Variants in CIMAP1D observed in about 807,000 individuals in gnomAD.
The protein encoded by CIMAP1D is CIMAP1 family member D, also known as protein CIMAP1D.
the CIMAP1D span, chr19:463,528 G>A: frequency 0.67 from 286,372 of 427,338 alleles, 100,619 homozygotes; most frequent in Admixed American, 0.74. Flanking sequence ...CTGGGACACA[G>A]GAAGCTCCAT....
chr19:469,067 G>A, the CIMAP1D span, among the ~76,000 whole-genome samples: 1 of 152,160 alleles, frequency 6.6e-6, no homozygotes, highest in Non-Finnish European at 1.5e-5. Flanking sequence ...GGTCCCCAAC[G>A]CAGGCTCACT....
the CIMAP1D span, chr19:464,352 G>A: frequency 1.6e-5 from 24 of 1,539,132 alleles, no homozygotes; most frequent in Middle Eastern, 1.7e-4. Flanking sequence ...AGGGCCTGGC[G>A]TCACCTCCGG....
the CIMAP1D span, chr19:464,015 G>T: frequency 6.2e-7 from 1 of 1,607,648 alleles, no homozygotes; most frequent in Non-Finnish European, 8.5e-7. Flanking sequence ...TCTCCTCCAG[G>T]GGTCGCGGGG....
chr19:470,476 G>C, the CIMAP1D span, among the ~76,000 whole-genome samples: 42 of 152,268 alleles, frequency 2.8e-4, no homozygotes, highest in African/African-American at 7.7e-4. Context: ...CTCCCGAAGT[G>C]CTGGGATTAC....
the CIMAP1D span, among the ~76,000 whole-genome samples, chr19:480,736 G>A: frequency 2.0e-5 from 2 of 98,548 alleles, no homozygotes; most frequent in African/African-American, 8.4e-5. Flanking sequence ...TGATGGGAAG[G>A]ATGATGGAGA....
the CIMAP1D span, among the ~76,000 whole-genome samples, chr19:484,148 T>C: frequency 6.7e-6 from 1 of 148,842 alleles, no homozygotes; most frequent in African/African-American, 2.5e-5. Flanking sequence ...TCTTTTTTTT[T>C]TTTTTTTTTT....
At chr19:472,367 C>G in the CIMAP1D span, 3 of 1,354,902 alleles carry the variant, frequency 2.2e-6, no homozygotes, top group Non-Finnish European at 3.0e-6. Flanking sequence ...TCAGGGAAGC[C>G]TCCAGCCGCC....
At chr19:477,489 G>A in the CIMAP1D span, among the ~76,000 whole-genome samples, 5 of 150,556 alleles carry the variant, frequency 3.3e-5, no homozygotes, top group Non-Finnish European at 7.4e-5. Flanking sequence ...CAGGAGACTC[G>A]CTTGAACCCG....
At chr19:484,104 T>C in the CIMAP1D span, among the ~76,000 whole-genome samples, 2 of 152,016 alleles carry the variant, frequency 1.3e-5, no homozygotes, top group African/African-American at 2.4e-5. Context: ...CATGTCTCTC[T>C]TGTTTTATTT....
the CIMAP1D span, among the ~76,000 whole-genome samples, chr19:475,446 G>A: frequency 6.6e-6 from 1 of 152,172 alleles, no homozygotes; most frequent in African/African-American, 2.4e-5. Flanking sequence ...GGCACTGAAC[G>A]TGAGGGAAAA....
At chr19:472,397 C>T in the CIMAP1D span, 1 of 1,534,788 alleles carries the variant, frequency 6.5e-7, no homozygotes, top group African/African-American at 1.4e-5. Flanking sequence ...GCCTTACCCT[C>T]ACTGGGCCTC....
At chr19:469,033 C>T in the CIMAP1D span, among the ~76,000 whole-genome samples, 85 of 151,610 alleles carry the variant, frequency 5.6e-4, no homozygotes, top group East Asian at 0.016. Flanking sequence ...CCGCCACAGG[C>T]ACAAGTACTT....
chr19:463,791 C>A, the CIMAP1D span: 2 of 1,507,036 alleles, frequency 1.3e-6, no homozygotes, highest in South Asian at 1.2e-5. Context: ...CAAAGCCAGG[C>A]CCCAGGAGAG....
the CIMAP1D span, among the ~76,000 whole-genome samples, chr19:472,942 G>A: frequency 9.9e-6 from 1 of 101,312 alleles, no homozygotes; most frequent in African/African-American, 2.9e-5. Flanking sequence ...AGAGATACAT[G>A]GTCACAGATG....
At chr19:485,068 C>T in the CIMAP1D span, among the ~76,000 whole-genome samples, 6 of 151,592 alleles carry the variant, frequency 4.0e-5, no homozygotes, top group Admixed American at 2.6e-4. Flanking sequence ...TTTTCTGAGA[C>T]GCTGTGGGGT....
chr19:464,756 G>A, the CIMAP1D span, among the ~76,000 whole-genome samples: 1 of 152,170 alleles, frequency 6.6e-6, no homozygotes, highest in Admixed American at 6.5e-5. Flanking sequence ...AAAAAGGAAG[G>A]CATGTCAAAT....
the CIMAP1D span, among the ~76,000 whole-genome samples, chr19:481,429 G>C: frequency 9.5e-5 from 10 of 104,792 alleles, no homozygotes; most frequent in African/African-American, 1.5e-4. Flanking sequence ...TGATGGAGAA[G>C]GATGATGGGG....
chr19:480,351 C>G, the CIMAP1D span, among the ~76,000 whole-genome samples: 2 of 152,206 alleles, frequency 1.3e-5, no homozygotes, highest in African/African-American at 2.4e-5. Flanking sequence ...AGCTCACAAG[C>G]GCCCTCTGGT....
chr19:476,894 G>T, the CIMAP1D span, among the ~76,000 whole-genome samples: 1 of 152,154 alleles, frequency 6.6e-6, no homozygotes, highest in African/African-American at 2.4e-5. Context: ...GAGGGAAAAT[G>T]GTTGCTTTAA....
Sources: gnomAD v4.1 joint callset for allele counts (sites outside exome capture counted in the v4.1 genomes callset) on GRCh38, gnomAD v4.1.1 for gene constraint, MANE v1.5 for transcripts, NCBI Gene and HGNC (gene_info 2026-07-23, HGNC 2026-07-21) for gene names.